The following CDKL4 variants were observed in gnomAD, a reference collection of about 807,000 sequenced individuals.
CDKL4 encodes cyclin dependent kinase like 4.
Under a neutral mutation model 42.0 loss-of-function variants are expected in CDKL4, and 44 were observed. That is an observed-to-expected ratio of 1.05 (90% CI 0.82 to 1.35). The LOEUF is 1.35. CDKL4 is among the 40% of genes most tolerant of loss of function. The pLI, the probability that CDKL4 is intolerant of heterozygous loss-of-function variation, is 0.00. For missense variants in CDKL4, 393 were observed against 369.9 expected, an observed-to-expected ratio of 1.06 and a Z score of -0.51; for synonymous variants, 120 against 121.6, an observed-to-expected ratio of 0.99 and a Z score of 0.09.
rs776521313 is a variant in CDKL4, at chr2:39,224,007, A to C, written c.290+1832T>G. 1.7e-3 allele frequency among the ~76,000 whole-genome samples: 263 copies of C among 152,322 alleles called. 1 individual carries two copies. The highest frequency in any genetic ancestry group is 3.1e-3 in the Non-Finnish European group (212 of 68,028). On this transcript the variant is annotated intron_variant, in intron 3 of 9. Transcript: ENST00000451199. ...TGTAGACTTAGCACTGGCTGGGTGC[A>C]CAGTCTACATTTATGAAAGTTTTTT... is the stretch of plus-strand genomic sequence containing the variant.
intron 3 of CDKL4, among the ~76,000 whole-genome samples, chr2:39,223,937 G>C (rs2148379188): frequency 6.6e-6 from 1 of 152,256 alleles, no homozygotes; most frequent in South Asian, 2.1e-4. Context: ...ATGTTCACTG[G>C]AAGGTAAGGT....
At chr2:39,171,280 T>C (rs566740951), downstream of CDKL4, among the ~76,000 whole-genome samples, 1 of 151,380 alleles carries the variant, frequency 6.6e-6, no homozygotes, top group African/African-American at 2.4e-5. Flanking sequence ...AATATTGTGG[T>C]TGGGAAATCT....
At chr2:39,200,922 T>G (rs947276842) in intron 5 of CDKL4, among the ~76,000 whole-genome samples, 3 of 152,024 alleles carry the variant, frequency 2.0e-5, no homozygotes, top group African/African-American at 7.2e-5. Context: ...AGACTTCTCA[T>G]GACCAAGAAC....
chr2:39,175,030 G>C (rs1221177850), downstream of CDKL4, among the ~76,000 whole-genome samples: 1 of 152,008 alleles, frequency 6.6e-6, no homozygotes, highest in Non-Finnish European at 1.5e-5. Context: ...TTATTGAGGG[G>C]TTTGCTTTGC....
intron 6 of CDKL4, among the ~76,000 whole-genome samples, chr2:39,189,749 T>C (rs1480895856): frequency 6.6e-6 from 1 of 152,236 alleles, no homozygotes; most frequent in Non-Finnish European, 1.5e-5. Flanking sequence ...TCTGTGTCCA[T>C]AAATAAAGTT....
chr2:39,239,044 G>A (rs948509377), intron 1 of CDKL4, among the ~76,000 whole-genome samples: 21 of 152,216 alleles, frequency 1.4e-4, no homozygotes, highest in Non-Finnish European at 2.8e-4. Flanking sequence ...GAGCCACTGC[G>A]CCTGGCCCAA....
At chr2:39,234,533 CAG>C (rs1236385229) in intron 1 of CDKL4, among the ~76,000 whole-genome samples, 1 of 151,996 alleles carries the variant, frequency 6.6e-6, no homozygotes, top group Non-Finnish European at 1.5e-5. Flanking sequence ...AACAATGAAA[CAG>C]AATCAATAGT....
rs538085230 is a variant in CDKL4 at position 39,184,568 on chromosome 2, A to T, written c.792+23T>A. ...GTCATTACAATTTATAGCTAATAAG[A>T]GTTATAATTGATTCTTAAGTACCTT... On this transcript the variant is annotated intron_variant, in intron 8 of 9. Coordinates refer to ENST00000451199, the Ensembl canonical transcript of CDKL4. 3.2e-6 allele frequency: 5 copies of T among 1,567,758 alleles called. No homozygotes were observed. The East Asian group carries it at 1.1e-4, about 35-fold the overall frequency.
At chr2:39,200,902 G>C (rs914249614) in intron 5 of CDKL4, among the ~76,000 whole-genome samples, 1 of 152,132 alleles carries the variant, frequency 6.6e-6, no homozygotes. Flanking sequence ...GATAACACTG[G>C]CTTAGGCAAA....
At chr2:39,174,988 T>C (rs1675108063), downstream of CDKL4, among the ~76,000 whole-genome samples, 1 of 152,126 alleles carries the variant, frequency 6.6e-6, no homozygotes, top group South Asian at 2.1e-4. Context: ...CAAGTTTGGT[T>C]GGGAAAATAT....
intron 2 of CDKL4, 52 bp downstream of exon 2, chr2:39,229,313 G>T: frequency 7.8e-7 from 1 of 1,279,588 alleles, no homozygotes; most frequent in Non-Finnish European, 1.1e-6. Context: ...ATTTTAACAT[G>T]CATATTTCAC....
In CDKL4 at chr2:39,237,587, G is replaced by A. The variant is rs550220890; in HGVS notation, c.-57+6284C>T. On this transcript the variant is annotated intron_variant, in intron 1 of 9. Transcript: ENST00000451199. The stretch of plus-strand genomic sequence containing the variant: ...AACGAAAAGTAAGGTCAGGCACAGT[G>A]GCTCACACCTCTAACCCCAATAGTT... Among the ~76,000 whole-genome samples, 11 of 152,326 alleles carry A rather than the reference G, an allele frequency of 7.2e-5. No individual in the cohort carries two copies. The South Asian group carries it at 2.1e-3, about 29-fold the overall frequency.
At chr2:39,196,124 G>A (rs545698416) in intron 5 of CDKL4, among the ~76,000 whole-genome samples, 105 of 152,282 alleles carry the variant, frequency 6.9e-4, no homozygotes, top group African/African-American at 1.4e-3. Flanking sequence ...TACCGCAGCT[G>A]ATGTGCTCTT....
At chr2:39,177,869 A>G (rs1291761794) in intron 9 of CDKL4, among the ~76,000 whole-genome samples, 1 of 151,708 alleles carries the variant, frequency 6.6e-6, no homozygotes, top group Non-Finnish European at 1.5e-5. Context: ...TTGTATTTTT[A>G]GAAGAGATGG....
intron 1 of CDKL4, among the ~76,000 whole-genome samples, chr2:39,230,910 C>A (rs1679059883): frequency 6.6e-6 from 1 of 152,098 alleles, no homozygotes; most frequent in South Asian, 2.1e-4. Context: ...CAGTTAAGTG[C>A]AAAAGAATGC....
intron 1 of CDKL4, among the ~76,000 whole-genome samples, chr2:39,235,993 A>G (rs1313501257): frequency 6.6e-6 from 1 of 152,162 alleles, no homozygotes; most frequent in Non-Finnish European, 1.5e-5. Context: ...TGTTGGATTT[A>G]GCTGACAGTC....
At chr2:39,190,204 A>T in intron 6 of CDKL4, 101 bp downstream of exon 6, 1 of 847,772 alleles carries the variant, frequency 1.2e-6, no homozygotes, top group Non-Finnish European at 1.7e-6. Flanking sequence ...AGAAGCAATA[A>T]AACTCTTGTT....
chr2:39,246,545 A>C (rs1303964876), upstream of CDKL4, among the ~76,000 whole-genome samples: 2 of 151,794 alleles, frequency 1.3e-5, no homozygotes, highest in Non-Finnish European at 2.9e-5. Flanking sequence ...CTGCCCTATT[A>C]CTCTGCTTCA....
chr2:39,215,384 G>A (rs948683963), intron 3 of CDKL4, among the ~76,000 whole-genome samples: 1 of 152,096 alleles, frequency 6.6e-6, no homozygotes, highest in African/African-American at 2.4e-5. Context: ...ATCATGGTCT[G>A]TTATATATGC....
Sources: gnomAD v4.1 joint callset for allele counts (sites outside exome capture counted in the v4.1 genomes callset) on GRCh38, gnomAD v4.1.1 for gene constraint, MANE v1.5 for transcripts, NCBI Gene and HGNC (gene_info 2026-07-23, HGNC 2026-07-21) for gene names.